The following ABI3BP variants were observed in gnomAD, a reference collection of about 807,000 sequenced individuals.
ABI3BP encodes the protein ABI family member 3 binding protein, also known as target of Nesh-SH3.
A neutral mutation model predicts 268.6 loss-of-function variants in ABI3BP; 216 were observed. The ratio of observed to expected loss-of-function variants is 0.80; its 90% confidence interval spans 0.72 to 0.90. The LOEUF is 0.90. Ranked by LOEUF, ABI3BP falls within the 40% of genes least tolerant of loss-of-function variation. The probability of loss-of-function intolerance (pLI) is 0.00; values close to 1 mark genes in which losing one functional copy is unlikely to be tolerated. For synonymous variants in ABI3BP, 730 were observed against 730.0 expected, an observed-to-expected ratio of 1.00 and a Z score of 0.00; for missense variants, 2,090 against 2,182.4, an observed-to-expected ratio of 0.96 and a Z score of 0.84.
intron 20 of ABI3BP, among the ~76,000 whole-genome samples, chr3:100,845,322 C>T (rs988110772): frequency 7.2e-5 from 11 of 152,122 alleles, no homozygotes; most frequent in African/African-American, 2.2e-4. Context: ...GTTTTTCATT[C>T]CATTTCTCTG....
In ABI3BP at chr3:100,758,410, TATC is replaced by T. The variant is rs541560929; in HGVS notation, c.4851-3722_4851-3720del. ...ACACATAGTAATAAGTATTCACTAGTATCATATTTGTATCTCTAGATAATTTTT... is the reference window on the plus strand; with the variant it reads ...ACACATAGTAATAAGTATTCACTAGTATATTTGTATCTCTAGATAATTTTT... On this transcript the variant is annotated intron_variant, in intron 63 of 67. Coordinates refer to ENST00000471714, the MANE Select transcript of ABI3BP (RefSeq NM_001375547.2). 7.3e-4 allele frequency among the ~76,000 whole-genome samples: 111 copies of T among 152,330 alleles called. 1 individual carries two copies. Among genetic ancestry groups the T allele is most frequent in the Admixed American group, 6.5e-3 (99 of 15,302 alleles).
rs764808557 is a variant in ABI3BP, at chr3:100,893,292, C to T, written c.461+5470G>A. 3.3e-5 allele frequency among the ~76,000 whole-genome samples: 5 copies of T among 152,176 alleles called. No individual in the cohort carries two copies. In the South Asian group the frequency reaches 8.3e-4, roughly 25 times the overall value. On this transcript the variant is annotated intron_variant, in intron 4 of 67. Transcript: ENST00000471714. ...TCCCTACTTTTGAGGTTTTGGGACG[C>T]GGACTGGCTTCCTTGTTCCTCAGCT...
intron 19 of ABI3BP, 127 bp downstream of exon 19, chr3:100,847,475 G>A (rs1580307289): frequency 6.2e-6 from 5 of 811,088 alleles, no homozygotes; most frequent in Non-Finnish European, 1.0e-5. Context: ...CTCTGAGATG[G>A]GCCATGCTGT....
At chr3:100,877,519 G>T (rs1424989908) in intron 6 of ABI3BP, among the ~76,000 whole-genome samples, 3 of 152,176 alleles carry the variant, frequency 2.0e-5, no homozygotes, top group Non-Finnish European at 4.4e-5. Context: ...TACCTCAGAA[G>T]TCCCACAGGA....
intron 1 of ABI3BP, among the ~76,000 whole-genome samples, chr3:100,928,788 G>C (rs2062677534): frequency 6.6e-6 from 1 of 151,952 alleles, no homozygotes; most frequent in Admixed American, 6.6e-5. Context: ...ACTAGATCTT[G>C]GGCTCTCTCT....
At chr3:100,917,206 CA>C (rs2058871975) in intron 2 of ABI3BP, among the ~76,000 whole-genome samples, 1 of 152,130 alleles carries the variant, frequency 6.6e-6, no homozygotes, top group South Asian at 2.1e-4. Context: ...CTCTGGTCCT[CA>C]GGAGCTTACT....
intron 21 of ABI3BP, among the ~76,000 whole-genome samples, chr3:100,841,401 G>A (rs1280376450): frequency 6.6e-6 from 1 of 151,530 alleles, no homozygotes; most frequent in Non-Finnish European, 1.5e-5. Flanking sequence ...TGAAAGTCAG[G>A]GTCCTCCCTG....
intron 51 of ABI3BP, 118 bp from the exon 52 acceptor site, chr3:100,796,586 G>T: frequency 1.5e-6 from 1 of 652,968 alleles, no homozygotes; most frequent in South Asian, 3.5e-5. Flanking sequence ...TTTTACAATG[G>T]TTAATGACCA....
intron 37 of ABI3BP, 93 bp downstream of exon 37, chr3:100,823,365 C>T (rs1171203283): frequency 2.7e-6 from 3 of 1,130,938 alleles, no homozygotes; most frequent in South Asian, 3.1e-5. Flanking sequence ...GAATGGCCAT[C>T]AAGAATGACA....
At chr3:100,978,732 G>A (rs2087608113) in intron 1 of ABI3BP, among the ~76,000 whole-genome samples, 1 of 152,174 alleles carries the variant, frequency 6.6e-6, no homozygotes, top group Admixed American at 6.6e-5. Flanking sequence ...CTAGAACTAA[G>A]TAAATTAGCT....
rs545384198 is a variant in ABI3BP at position 100,939,487 on chromosome 3, G to A, written c.80-13006C>T. Among the ~76,000 whole-genome samples the A allele has an allele frequency of 4.6e-5, 7 of 152,092 alleles. 1 individual carries two copies. The highest frequency in any genetic ancestry group is 8.8e-5 in the Non-Finnish European group (6 of 67,972). On this transcript the variant is annotated intron_variant, in intron 1 of 67. Coordinates refer to ENST00000471714, the MANE Select transcript of ABI3BP (RefSeq NM_001375547.2). Reference sequence around the variant, plus strand: ...AGAAATTTTAAAGCTGGGCATCCGGGGAAGACATCACGTGTCGGTAGGTTC... The same window carrying A: ...AGAAATTTTAAAGCTGGGCATCCGGAGAAGACATCACGTGTCGGTAGGTTC...
chr3:100,820,877 A>G (rs1187424477), intron 39 of ABI3BP, among the ~76,000 whole-genome samples, 177 bp downstream of exon 39: 1 of 152,208 alleles, frequency 6.6e-6, no homozygotes, highest in Non-Finnish European at 1.5e-5. Flanking sequence ...TCTTTTAAAA[A>G]CAAAGGGTGA....
chr3:100,902,194 A>C (rs893965352), intron 3 of ABI3BP, among the ~76,000 whole-genome samples: 1 of 152,226 alleles, frequency 6.6e-6, no homozygotes, highest in African/African-American at 2.4e-5. Flanking sequence ...AAGGTGAGAC[A>C]TAAAATTTTG....
intron 59 of ABI3BP, among the ~76,000 whole-genome samples, chr3:100,775,830 G>A (rs2096685302): frequency 6.6e-6 from 1 of 152,170 alleles, no homozygotes; most frequent in South Asian, 2.1e-4. Flanking sequence ...GAAAGAAGTT[G>A]AATACCATGG....
intron 1 of ABI3BP, among the ~76,000 whole-genome samples, chr3:100,949,399 G>A (rs978182247): frequency 6.6e-6 from 1 of 152,144 alleles, no homozygotes; most frequent in Non-Finnish European, 1.5e-5. Context: ...AGGACTACAG[G>A]TGTACAACAC....
At chr3:100,848,713 C>T in intron 18 of ABI3BP, 88 bp downstream of exon 18, 2 of 1,294,430 alleles carry the variant, frequency 1.5e-6, no homozygotes, top group Admixed American at 1.8e-5. Flanking sequence ...AGGTGTGAGC[C>T]ACTGCACCTG....
At chr3:100,951,344 C>T (rs1414464227) in intron 1 of ABI3BP, among the ~76,000 whole-genome samples, 2 of 151,988 alleles carry the variant, frequency 1.3e-5, no homozygotes, top group Admixed American at 1.3e-4. Context: ...CCATCTCTCT[C>T]CCTTACTTCT....
chr3:100,833,665 A>T (rs899870002), intron 29 of ABI3BP, among the ~76,000 whole-genome samples: 1 of 152,196 alleles, frequency 6.6e-6, no homozygotes, highest in East Asian at 1.9e-4. Flanking sequence ...CCAGATATAG[A>T]GGGTCATTCA....
intron 2 of ABI3BP, chr3:100,911,047 G>T: frequency 5.1e-6 from 1 of 197,410 alleles, no homozygotes. Context: ...GCTCATTGTA[G>T]ATGCTTTTTC....
Sources: allele counts gnomAD v4.1 joint callset (sites outside exome capture counted in the v4.1 genomes callset), GRCh38; gene constraint gnomAD v4.1.1; transcripts MANE v1.5; gene names NCBI Gene and HGNC (gene_info 2026-07-23, HGNC 2026-07-21).